PCDHA8: variants seen among roughly 807,000 people sequenced by gnomAD.
PCDHA8 encodes protocadherin alpha-8.
In PCDHA8, 53 loss-of-function variants were observed where a neutral mutation model predicts 61.8. The ratio of observed to expected loss-of-function variants is 0.86; its 90% confidence interval spans 0.69 to 1.08. The LOEUF (loss-of-function observed/expected upper bound fraction) is 1.08, where lower values mean the gene tolerates loss of function less well. Among genes scored for constraint, PCDHA8 ranks in the 50% least tolerant of loss-of-function variants. The pLI is 0.00. For missense variants in PCDHA8, 1,293 were observed against 1,245.0 expected (o/e 1.04, Z -0.58); for synonymous variants, 618 against 556.6 (o/e 1.11, Z -1.55).
chr5:140,859,100 T>C (rs1372747667), intron 1 of PCDHA8: 1 of 150,268 alleles, frequency 6.7e-6, no homozygotes, highest in East Asian at 1.9e-4. Flanking sequence ...ATTATTCACT[T>C]AGCAGAAGAA....
intron 1 of PCDHA8, among the ~76,000 whole-genome samples, chr5:140,924,695 G>C (rs1190287077): frequency 2.6e-5 from 4 of 152,024 alleles, no homozygotes; most frequent in African/African-American, 9.7e-5. Context: ...AGGAGTTCGA[G>C]ACCAGCTTGT....
intron 1 of PCDHA8, among the ~76,000 whole-genome samples, chr5:140,961,529 T>C (rs1208334511): frequency 2.6e-5 from 4 of 152,244 alleles, no homozygotes; most frequent in Admixed American, 1.3e-4. Flanking sequence ...AAATTCTAGA[T>C]AGACTGTTCC....
intron 1 of PCDHA8, among the ~76,000 whole-genome samples, chr5:140,941,368 G>A (rs2093051755): frequency 7.3e-6 from 1 of 136,646 alleles, no homozygotes; most frequent in Non-Finnish European, 1.5e-5. Context: ...CTAGGCTGGA[G>A]TGTAGTGACA....
intron 1 of PCDHA8, among the ~76,000 whole-genome samples, chr5:140,906,797 A>G (rs2072940556): frequency 6.6e-6 from 1 of 151,964 alleles, no homozygotes; most frequent in African/African-American, 2.4e-5. Context: ...TTCCATGCAT[A>G]CTCTTCCTTA....
chr5:140,980,395 G>T (rs182782153), intron 2 of PCDHA8, among the ~76,000 whole-genome samples: 4 of 152,316 alleles, frequency 2.6e-5, no homozygotes, highest in Non-Finnish European at 5.9e-5. Context: ...ACTTTGGGAG[G>T]CCGAGGTGGG....
intron 3 of PCDHA8, among the ~76,000 whole-genome samples, chr5:140,999,166 A>G (rs2097849848): frequency 6.6e-6 from 1 of 152,190 alleles, no homozygotes; most frequent in South Asian, 2.1e-4. Context: ...CTAGAAGGAA[A>G]AGAGCCTGAT....
chr5:140,984,419 T>C (rs564096734), intron 3 of PCDHA8, among the ~76,000 whole-genome samples: 5 of 152,290 alleles, frequency 3.3e-5, no homozygotes, highest in African/African-American at 9.6e-5. Context: ...TTTACAGAGA[T>C]AGAGAAGGGG....
At chr5:140,960,079 A>G (rs1006555188) in intron 1 of PCDHA8, among the ~76,000 whole-genome samples, 1 of 152,228 alleles carries the variant, frequency 6.6e-6, no homozygotes, top group African/African-American at 2.4e-5. Flanking sequence ...TGAAGTTTCT[A>G]AAAGAGAAAG....
intron 3 of PCDHA8, among the ~76,000 whole-genome samples, chr5:141,002,682 G>T (rs536105955): frequency 6.6e-6 from 1 of 152,140 alleles, no homozygotes; most frequent in Non-Finnish European, 1.5e-5. Flanking sequence ...CCTATACGAC[G>T]TGCAGATTTG....
intron 3 of PCDHA8, among the ~76,000 whole-genome samples, chr5:141,007,395 CA>C (rs35800918): frequency 0.59 from 55,851 of 95,076 alleles, 14,598 homozygotes; most frequent in African/African-American, 0.74. Context: ...TACTAAAATA[CA>C]AAAAAAAAAA....
At position 140,843,722 on chromosome 5, in the gene PCDHA8, C is replaced by T. The variant is rs2150365613; in HGVS notation, c.2394+7C>T. ...TGTTGATCATGGCCTCAAAGTAAGT[C>T]CATTTAAATTTAGAACTCATAAATT... On this transcript the variant is annotated splice_region_variant and intron_variant, in intron 1 of 3. Coordinates refer to ENST00000531613, the MANE Select transcript of PCDHA8 (RefSeq NM_018911.3). 2.4e-4 allele frequency: 371 copies of T among 1,561,926 alleles called. 35 individuals carry two copies. The highest frequency in any genetic ancestry group is 1.3e-3 in the East Asian group (56 of 44,658).
At chr5:140,870,436 G>A (rs782478068) in intron 1 of PCDHA8, 7 of 1,614,128 alleles carry the variant, frequency 4.3e-6, no homozygotes, top group Non-Finnish European at 5.9e-6. Context: ...CGTGGAGGTG[G>A]CCGACGTGAA....
At chr5:140,859,390 C>G (rs911308831) in intron 1 of PCDHA8, 1 of 268,000 alleles carries the variant, frequency 3.7e-6, no homozygotes, top group Non-Finnish European at 6.7e-6. Flanking sequence ...CTCTAGTCAT[C>G]TTAAACAGGG....
At position 140,883,117 on chromosome 5, in the gene PCDHA8, G is replaced by T. The variant is rs782191143; in HGVS notation, c.2394+39402G>T. Reference sequence around the variant, plus strand: ...GAGATATAGTTTACTCATTTAGAAGGCCTGTATGGCCTGCAGTGGTATATG... The same window carrying T: ...GAGATATAGTTTACTCATTTAGAAGTCCTGTATGGCCTGCAGTGGTATATG... On this transcript the variant is annotated intron_variant, in intron 1 of 3. Transcript: ENST00000531613. 2.5e-6 allele frequency: 4 copies of T among 1,613,898 alleles called. No homozygotes were observed. Among genetic ancestry groups the T allele is most frequent in the Admixed American group, 3.3e-5 (2 of 59,964 alleles).
rs142471747 is a variant in PCDHA8 at position 140,940,002 on chromosome 5, C to T, written c.2395-38947C>T. On this transcript the variant is annotated intron_variant, in intron 1 of 3. Transcript: ENST00000531613. ...TGAATTGTTTCTCCTTGGATTTTGT[C>T]AATTTTTTGTGTCATATGTTTTAAG... Among the ~76,000 whole-genome samples the T allele has an allele frequency of 5.4e-3, 828 of 152,138 alleles. 3 individuals carry two copies. The highest frequency in any genetic ancestry group is 0.019 in the African/African-American group (797 of 41,516).
chr5:140,898,808 C>T (rs1318586303), intron 1 of PCDHA8, among the ~76,000 whole-genome samples: 2 of 152,188 alleles, frequency 1.3e-5, no homozygotes, highest in Non-Finnish European at 2.9e-5. Context: ...GATACTGATT[C>T]TTCCTACCCA....
At chr5:140,979,384 G>A (rs1243693033) in intron 2 of PCDHA8, among the ~76,000 whole-genome samples, 3 of 151,896 alleles carry the variant, frequency 2.0e-5, no homozygotes, top group African/African-American at 7.3e-5. Context: ...ATTGTGCAAT[G>A]TATACATACA....
chr5:140,921,715 G>A (rs1313930887), intron 1 of PCDHA8, among the ~76,000 whole-genome samples: 9 of 152,080 alleles, frequency 5.9e-5, no homozygotes, highest in African/African-American at 1.7e-4. Flanking sequence ...GTAAACACAC[G>A]AATTACTCCC....
At chr5:140,928,061 C>T (rs2084900711) in intron 1 of PCDHA8, 1 of 1,614,192 alleles carries the variant, frequency 6.2e-7, no homozygotes, top group African/African-American at 1.3e-5. Flanking sequence ...CTGACGGCTT[C>T]CTTTGACAAC....
Sources: allele counts gnomAD v4.1 joint callset (sites outside exome capture counted in the v4.1 genomes callset), GRCh38; gene constraint gnomAD v4.1.1; transcripts MANE v1.5; gene names NCBI Gene and HGNC (gene_info 2026-07-23, HGNC 2026-07-21).